The following SYT1 variants were observed in gnomAD, a reference collection of about 807,000 sequenced individuals.
SYT1 encodes synaptotagmin 1.
Under a neutral mutation model 44.8 loss-of-function variants are expected in SYT1, and 8 were observed. The ratio of observed to expected loss-of-function variants is 0.18; its 90% CI spans 0.10 to 0.32. The LOEUF (loss-of-function observed/expected upper bound fraction) is 0.32, where lower values mean the gene tolerates loss of function less well. Ranked by LOEUF, SYT1 falls within the 10% of genes least tolerant of loss-of-function variation. The probability of loss-of-function intolerance (pLI) is 1.00; values close to 1 mark genes in which losing one functional copy is unlikely to be tolerated. For synonymous variants in SYT1, 154 were observed against 188.8 expected, an observed-to-expected ratio of 0.82 and a Z score of 1.51; for missense variants, 286 against 509.3, an observed-to-expected ratio of 0.56 and a Z score of 4.22.
At chr12:79,337,202 A>C (rs1249377190) in intron 8 of SYT1, among the ~76,000 whole-genome samples, 1 of 152,146 alleles carries the variant, frequency 6.6e-6, no homozygotes, top group African/African-American at 2.4e-5. Context: ...TAATGGTGGG[A>C]GGAGAACATG....
At chr12:78,903,316 C>T (rs1451780638) in intron 1 of SYT1, among the ~76,000 whole-genome samples, 2 of 151,570 alleles carry the variant, frequency 1.3e-5, no homozygotes, top group Admixed American at 6.6e-5. Context: ...GATGGAGTCT[C>T]ACTGTGTCGC....
rs758797893 is a variant in SYT1 at position 79,067,663 on chromosome 12, G to A, written c.-18+20301G>A. Among the ~76,000 whole-genome samples the A allele has an allele frequency of 6.1e-4, 93 of 152,138 alleles. 1 individual carries two copies. The highest frequency in any genetic ancestry group is 6.3e-4 in the Non-Finnish European group (43 of 68,006). ...TAAGGAGACCTTGTAATGCAGAGGT[G>A]TAGGGGATTCCAGGTAAAACATCAA... On this transcript the variant is annotated intron_variant, in intron 3 of 10. Transcript: ENST00000261205.
chr12:79,341,187 T>C (rs1592981921), intron 8 of SYT1: 1 of 152,242 alleles, frequency 6.6e-6, no homozygotes, highest in Non-Finnish European at 1.5e-5. Flanking sequence ...TCACTAATTA[T>C]ACTTCTGAAA....
intron 3 of SYT1, among the ~76,000 whole-genome samples, chr12:79,177,232 T>G: frequency 1.1e-5 from 1 of 88,630 alleles, no homozygotes; most frequent in South Asian, 4.8e-4. Flanking sequence ...GAGTGTGATA[T>G]TCACCTTCCT....
chr12:79,002,598 A>G (rs1870815547), intron 2 of SYT1, among the ~76,000 whole-genome samples: 1 of 151,984 alleles, frequency 6.6e-6, no homozygotes, highest in Admixed American at 6.6e-5. Flanking sequence ...AAATGTTCTC[A>G]TGCTGTTTTT....
intron 4 of SYT1, among the ~76,000 whole-genome samples, chr12:79,255,994 T>A (rs1302502634): frequency 6.6e-6 from 1 of 152,196 alleles, no homozygotes; most frequent in East Asian, 1.9e-4. Context: ...TTATCCCAAT[T>A]TTAAACAGTG....
chr12:78,928,848 G>A (rs888133140), intron 1 of SYT1, among the ~76,000 whole-genome samples: 12 of 151,972 alleles, frequency 7.9e-5, no homozygotes, highest in African/African-American at 2.2e-4. Context: ...CAAACTGCAC[G>A]GTAACTAAAG....
chr12:79,073,864 T>C (rs1427649167), intron 3 of SYT1, among the ~76,000 whole-genome samples: 1 of 152,164 alleles, frequency 6.6e-6, no homozygotes, highest in Non-Finnish European at 1.5e-5. Flanking sequence ...TCTTCATATA[T>C]AGCTTACTTA....
intron 8 of SYT1, among the ~76,000 whole-genome samples, chr12:79,330,715 T>C (rs1033182559): frequency 6.6e-6 from 1 of 152,206 alleles, no homozygotes; most frequent in Non-Finnish European, 1.5e-5. Flanking sequence ...CCAGGTGCTG[T>C]TGTATGCACT....
intron 3 of SYT1, among the ~76,000 whole-genome samples, chr12:79,152,953 A>T (rs1157525631): frequency 1.3e-5 from 2 of 151,600 alleles, no homozygotes; most frequent in Non-Finnish European, 2.9e-5. Flanking sequence ...TATCCTTCTC[A>T]TTTATATAAG....
At chr12:79,028,500 G>A (rs1211819746) in intron 2 of SYT1, among the ~76,000 whole-genome samples, 1 of 151,292 alleles carries the variant, frequency 6.6e-6, no homozygotes, top group Non-Finnish European at 1.5e-5. Flanking sequence ...TAAACACTAG[G>A]AGAGTAAAGT....
At chr12:79,243,160 C>T (rs1189678608) in intron 4 of SYT1, among the ~76,000 whole-genome samples, 1 of 152,216 alleles carries the variant, frequency 6.6e-6, no homozygotes, top group African/African-American at 2.4e-5. Context: ...CATCGGGTCC[C>T]TCCCACAACA....
At chr12:79,132,554 T>C (rs1256867701) in intron 3 of SYT1, among the ~76,000 whole-genome samples, 1 of 150,712 alleles carries the variant, frequency 6.6e-6, no homozygotes, top group Non-Finnish European at 1.5e-5. Flanking sequence ...CTTAACCCGG[T>C]TAGGATGTCT....
At chr12:79,110,365 T>A (rs1017843563) in intron 3 of SYT1, among the ~76,000 whole-genome samples, 2 of 152,194 alleles carry the variant, frequency 1.3e-5, no homozygotes, top group Non-Finnish European at 2.9e-5. Context: ...TTCATATTGC[T>A]ATGGAGCAAT....
rs113376691 is a variant in SYT1 at position 79,014,161 on chromosome 12, A to G, written c.-83-33136A>G. On this transcript the variant is annotated intron_variant, in intron 2 of 10. Coordinates refer to ENST00000261205, the MANE Select transcript of SYT1 (RefSeq NM_005639.3). ...AAAGAAAAAAAAAAAAAAGAAAGAA[A>G]AAGGAAAAGAAAATAAGCCTTGGGT... 6.7e-3 allele frequency among the ~76,000 whole-genome samples: 1,015 copies of G among 151,514 alleles called. 5 individuals carry two copies. The highest frequency in any genetic ancestry group is 0.01 in the Middle Eastern group (3 of 294).
chr12:79,405,445 A>G (rs1885210802), intron 9 of SYT1, among the ~76,000 whole-genome samples: 1 of 152,158 alleles, frequency 6.6e-6, no homozygotes, highest in Admixed American at 6.6e-5. Context: ...GAGTAATATC[A>G]ACCCAGCTAT....
intron 1 of SYT1, among the ~76,000 whole-genome samples, chr12:78,875,141 C>T (rs780996256): frequency 9.2e-5 from 14 of 151,494 alleles, no homozygotes; most frequent in Non-Finnish European, 1.6e-4. Context: ...ACAGATTAAA[C>T]GTTATCAATT....
At chr12:79,441,212 G>A (rs938318007) in intron 9 of SYT1, among the ~76,000 whole-genome samples, 1 of 152,198 alleles carries the variant, frequency 6.6e-6, no homozygotes, top group Non-Finnish European at 1.5e-5. Context: ...CTGTATCAGG[G>A]TCAATCTGCG....
At chr12:79,288,801 C>G (rs1274456372) in intron 5 of SYT1, among the ~76,000 whole-genome samples, 2 of 152,078 alleles carry the variant, frequency 1.3e-5, no homozygotes, top group Non-Finnish European at 2.9e-5. Context: ...ATGTCCTTAT[C>G]TGTGTTGTGT....
Sources: gnomAD v4.1 joint callset for allele counts (sites outside exome capture counted in the v4.1 genomes callset) on GRCh38, gnomAD v4.1.1 for gene constraint, MANE v1.5 for transcripts, NCBI Gene and HGNC (gene_info 2026-07-23, HGNC 2026-07-21) for gene names.